Variants in ABTB2 observed in about 807,000 individuals in gnomAD.
ABTB2 encodes the protein ankyrin repeat and BTB/POZ domain-containing protein 2.
ABTB2 carries 56 observed loss-of-function variants against 104.1 expected under a neutral mutation model. That is an observed-to-expected ratio of 0.54 (90% CI 0.43 to 0.67). The LOEUF (loss-of-function observed/expected upper bound fraction) is 0.67, where lower values mean the gene tolerates loss of function less well. Among genes scored for constraint, ABTB2 ranks in the 30% least tolerant of loss-of-function variants. The pLI, the probability that ABTB2 is intolerant of heterozygous loss-of-function variation, is 0.00. For missense variants in ABTB2, 1,279 were observed against 1,407.7 expected (o/e 0.91, Z 1.46); for synonymous variants, 606 against 608.2 (o/e 1.00, Z 0.05).
chr11:34,283,237 A>T (rs1355596733), intron 1 of ABTB2, among the ~76,000 whole-genome samples: 1 of 144,182 alleles, frequency 6.9e-6, no homozygotes, highest in Admixed American at 6.8e-5. Context: ...TTTTTTTGAG[A>T]TGGAATCTCG....
intron 1 of ABTB2, among the ~76,000 whole-genome samples, chr11:34,278,016 G>A (rs1197137062): frequency 6.6e-6 from 1 of 151,460 alleles, no homozygotes; most frequent in African/African-American, 2.4e-5. Context: ...TGTTGGCCAG[G>A]CTGGTCTCAA....
intron 1 of ABTB2, among the ~76,000 whole-genome samples, chr11:34,301,524 G>A (rs35798619): frequency 1.6e-4 from 24 of 152,316 alleles, no homozygotes; most frequent in African/African-American, 4.8e-4. Context: ...TGAAGGCCTA[G>A]CCTCAACACT....
intron 1 of ABTB2, among the ~76,000 whole-genome samples, chr11:34,220,802 T>C (rs1462575651): frequency 1.3e-5 from 2 of 152,146 alleles, no homozygotes; most frequent in African/African-American, 4.8e-5. Context: ...ACAGACCGGG[T>C]GGCTTCAACA....
At chr11:34,320,666 T>C (rs531519280) in intron 1 of ABTB2, among the ~76,000 whole-genome samples, 1 of 152,270 alleles carries the variant, frequency 6.6e-6, no homozygotes, top group South Asian at 2.1e-4. Context: ...CAGGCAGGCA[T>C]ATGGGTGTCG....
At chr11:34,219,463 G>C (rs773943456) in intron 1 of ABTB2, among the ~76,000 whole-genome samples, 10 of 151,738 alleles carry the variant, frequency 6.6e-5, no homozygotes, top group Admixed American at 4.6e-4. Context: ...GGATTGCTTG[G>C]GCCCAGAAGG....
At chr11:34,296,210 T>G (rs756170933) in intron 1 of ABTB2, among the ~76,000 whole-genome samples, 11 of 152,100 alleles carry the variant, frequency 7.2e-5, no homozygotes, top group Non-Finnish European at 1.6e-4. Flanking sequence ...GCTCCCTTGA[T>G]GCCAGCAGGG....
chr11:34,342,960 T>C (rs79801087), intron 1 of ABTB2, among the ~76,000 whole-genome samples: 23 of 115,394 alleles, frequency 2.0e-4, no homozygotes, highest in East Asian at 1.1e-3. Context: ...TTTATTTATT[T>C]ATTCGTTCAT....
intron 1 of ABTB2, among the ~76,000 whole-genome samples, chr11:34,302,967 A>G (rs1854725484): frequency 6.6e-6 from 1 of 151,990 alleles, no homozygotes; most frequent in Non-Finnish European, 1.5e-5. Flanking sequence ...CTGATAAGAC[A>G]CCTCCAGCCC....
intron 1 of ABTB2, among the ~76,000 whole-genome samples, chr11:34,297,125 T>C (rs1854632170): frequency 1.3e-5 from 2 of 152,308 alleles, no homozygotes; most frequent in South Asian, 2.1e-4. Context: ...CTAGATTTAG[T>C]CTTGGCACTT....
At chr11:34,348,655 G>T (rs1444379374) in intron 1 of ABTB2, among the ~76,000 whole-genome samples, 1 of 152,020 alleles carries the variant, frequency 6.6e-6, no homozygotes, top group Non-Finnish European at 1.5e-5. Context: ...TTCCCTTTAA[G>T]CTTTCTAATC....
At chr11:34,313,462 C>A (rs1854883615) in intron 1 of ABTB2, among the ~76,000 whole-genome samples, 1 of 152,208 alleles carries the variant, frequency 6.6e-6, no homozygotes, top group South Asian at 2.1e-4. Context: ...ACCATCAGGC[C>A]CCCCAGAGAG....
At chr11:34,337,966 G>A (rs1038494297) in intron 1 of ABTB2, among the ~76,000 whole-genome samples, 2 of 151,918 alleles carry the variant, frequency 1.3e-5, no homozygotes, top group African/African-American at 4.8e-5. Flanking sequence ...ACATCCTCAA[G>A]AGGGTCCTTT....
rs756887320 is a variant in ABTB2 at position 34,197,545 on chromosome 11, G to A, written c.1031-7C>T. 10 of 1,563,858 alleles carry A rather than the reference G, an allele frequency of 6.4e-6. No homozygotes were observed. In the East Asian group the frequency reaches 1.4e-4, roughly 21 times the overall value. On this transcript the variant is annotated splice_region_variant and splice_polypyrimidine_tract_variant and intron_variant, in intron 2 of 16. Transcript: ENST00000435224. ...GCACGGGAGACCAAGTCACCTGGTG[G>A]GGGGCGGGGAGGGCAGAGGGGAGGA...
intron 9 of ABTB2, among the ~76,000 whole-genome samples, chr11:34,164,261 C>T (rs565425558): frequency 3.3e-5 from 5 of 152,336 alleles, no homozygotes; most frequent in African/African-American, 1.2e-4. Context: ...CTACCATCTG[C>T]ACCTGGGGCA....
Position 34,165,327 on chromosome 11 carries a change from C to T in ABTB2, c.1785G>A (p.Glu595=). The stretch of plus-strand genomic sequence containing the variant: ...CCTCGCCGCCGTTCACTGCCGAGCC[C>T]TCGACATGGGCACCAGCATCCAGCA... ...QLLLDAGAHV[E]GSAVNGGEDS... Residue 595 remains glutamate (E), a synonymous_variant, in exon 8 of 17, where the codon GAG becomes GAA. Coordinates refer to ENST00000435224, the MANE Select transcript of ABTB2 (RefSeq NM_145804.3). 1 of 1,586,938 alleles carries T rather than the reference C, an allele frequency of 6.3e-7. No homozygotes were observed. The highest frequency in any genetic ancestry group is 2.3e-5 in the East Asian group (1 of 42,980).
chr11:34,325,190 T>G (rs910042213), intron 1 of ABTB2, among the ~76,000 whole-genome samples: 3 of 152,156 alleles, frequency 2.0e-5, no homozygotes, highest in African/African-American at 7.2e-5. Context: ...AGATATCCTA[T>G]GAATATTTAC....
At chr11:34,240,554 G>C (rs1853903141) in intron 1 of ABTB2, among the ~76,000 whole-genome samples, 1 of 152,182 alleles carries the variant, frequency 6.6e-6, no homozygotes, top group African/African-American at 2.4e-5. Flanking sequence ...TCTATCAAGA[G>C]GCCCCTGCTC....
intron 1 of ABTB2, among the ~76,000 whole-genome samples, chr11:34,251,273 G>A (rs1410450016): frequency 6.6e-6 from 1 of 152,254 alleles, no homozygotes; most frequent in Non-Finnish European, 1.5e-5. Flanking sequence ...GCATCACTCA[G>A]CTGTGAATCA....
Position 34,353,699 on chromosome 11 carries a change from G to A in ABTB2, c.883+3002C>T, listed in dbSNP as rs371109338. Among the ~76,000 whole-genome samples the A allele has an allele frequency of 4.6e-5, 7 of 152,296 alleles. No homozygotes were observed. The East Asian group carries it at 1.3e-3, about 29-fold the overall frequency. Reference sequence around the variant, plus strand: ...TAATGGACAGGAATAGATGGATTACGGCCCTTAAATTCTTGGTTGGAAGAC... The same window carrying A: ...TAATGGACAGGAATAGATGGATTACAGCCCTTAAATTCTTGGTTGGAAGAC... On this transcript the variant is annotated intron_variant, in intron 1 of 16. Coordinates refer to ENST00000435224, the MANE Select transcript of ABTB2 (RefSeq NM_145804.3).
Sources: gnomAD v4.1 joint callset for allele counts (sites outside exome capture counted in the v4.1 genomes callset) on GRCh38, gnomAD v4.1.1 for gene constraint, MANE v1.5 for transcripts, NCBI Gene and HGNC (gene_info 2026-07-23, HGNC 2026-07-21) for gene names.